Variants in KHDRBS2 observed in about 807,000 individuals in gnomAD.
The protein encoded by KHDRBS2 is KH RNA binding domain containing, signal transduction associated 2, also known as KH domain-containing, RNA-binding, signal transduction-associated protein 2.
A neutral mutation model predicts 44.3 loss-of-function variants in KHDRBS2; 26 were observed. The observed-to-expected ratio is 0.59, with a 90% CI of 0.43 to 0.81. The LOEUF is 0.81. Ranked by LOEUF, KHDRBS2 falls within the 40% of genes least tolerant of loss-of-function variation. The probability of loss-of-function intolerance (pLI) is 0.00; values close to 1 mark genes in which losing one functional copy is unlikely to be tolerated. For missense variants in KHDRBS2, 476 were observed against 433.1 expected, an observed-to-expected ratio of 1.10 and a Z score of -0.88; for synonymous variants, 194 against 151.1, an observed-to-expected ratio of 1.28 and a Z score of -2.08.
intron 2 of KHDRBS2, among the ~76,000 whole-genome samples, chr6:62,125,864 C>T (rs564482556): frequency 3.9e-5 from 6 of 152,156 alleles, no homozygotes; most frequent in Admixed American, 2.0e-4. Flanking sequence ...TCACCTTGGG[C>T]CTTGGGTGAG....
intron 2 of KHDRBS2, among the ~76,000 whole-genome samples, chr6:62,119,233 T>G (rs1260986056): frequency 6.6e-6 from 1 of 152,188 alleles, no homozygotes; most frequent in Non-Finnish European, 1.5e-5. Flanking sequence ...ATTAATGCAC[T>G]TGATATTCCT....
the KHDRBS2 span, among the ~76,000 whole-genome samples, chr6:61,579,919 T>C: frequency 6.7e-6 from 1 of 149,408 alleles, no homozygotes; most frequent in African/African-American, 2.5e-5. Context: ...TAGCCAGGTG[T>C]GGTGGCACAT....
chr6:61,576,434 T>G, the KHDRBS2 span, among the ~76,000 whole-genome samples: 1 of 152,160 alleles, frequency 6.6e-6, no homozygotes, highest in African/African-American at 2.4e-5. Context: ...GCTGAAACTT[T>G]ACTGAATTCA....
At chr6:61,740,898 C>T (rs1198208470) in intron 6 of KHDRBS2, among the ~76,000 whole-genome samples, 1 of 151,828 alleles carries the variant, frequency 6.6e-6, no homozygotes, top group Non-Finnish European at 1.5e-5. Flanking sequence ...TAGTAGTCAT[C>T]AACATATGCA....
chr6:62,130,131 T>A (rs188826608), intron 2 of KHDRBS2, among the ~76,000 whole-genome samples: 1 of 152,226 alleles, frequency 6.6e-6, no homozygotes, highest in East Asian at 1.9e-4. Flanking sequence ...TATAAAGAAA[T>A]AAAAGCAGGT....
intron 3 of KHDRBS2, among the ~76,000 whole-genome samples, chr6:62,031,458 C>G (rs750579612): frequency 2.6e-5 from 4 of 152,106 alleles, no homozygotes; most frequent in Non-Finnish European, 5.9e-5. Context: ...ATCCCCAATT[C>G]CAGGACTTGA....
chr6:61,714,633 A>T (rs1771080514), intron 7 of KHDRBS2, among the ~76,000 whole-genome samples: 1 of 151,960 alleles, frequency 6.6e-6, no homozygotes. Context: ...TATAGCAAAG[A>T]TATGTAATCA....
chr6:62,160,409 T>C (rs1405264230), intron 2 of KHDRBS2, among the ~76,000 whole-genome samples: 1 of 152,184 alleles, frequency 6.6e-6, no homozygotes, highest in South Asian at 2.1e-4. Flanking sequence ...ATTTTGTAAA[T>C]ATATGAGGGC....
At position 62,210,194 on chromosome 6, in the gene KHDRBS2, G is replaced by A. The variant is rs374968879; in HGVS notation, c.92-32882C>T. 7.2e-4 allele frequency among the ~76,000 whole-genome samples: 109 copies of A among 152,034 alleles called. 1 individual carries two copies. Among genetic ancestry groups the A allele is most frequent in the African/African-American group, 2.6e-3 (107 of 41,506 alleles). The stretch of plus-strand genomic sequence containing the variant: ...TCTCACGACCACCTATTTTTTAGGT[G>A]GAAGAATATAAAATAAAGAAGATGT... On this transcript the variant is annotated intron_variant, in intron 1 of 8. Coordinates refer to ENST00000281156, the MANE Select transcript of KHDRBS2 (RefSeq NM_152688.4).
intron 1 of KHDRBS2, among the ~76,000 whole-genome samples, chr6:62,239,529 C>G (rs1171742018): frequency 2.0e-5 from 3 of 151,866 alleles, no homozygotes; most frequent in Admixed American, 1.3e-4. Context: ...GCCAAGATCA[C>G]GCTGCTGCAC....
At chr6:61,985,597 A>C (rs1401619670) in intron 3 of KHDRBS2, among the ~76,000 whole-genome samples, 1 of 152,222 alleles carries the variant, frequency 6.6e-6, no homozygotes, top group Non-Finnish European at 1.5e-5. Flanking sequence ...CCTTGGATCA[A>C]AATGATGATC....
At chr6:61,570,426 T>C in the KHDRBS2 span, among the ~76,000 whole-genome samples, 3 of 151,880 alleles carry the variant, frequency 2.0e-5, no homozygotes, top group East Asian at 3.9e-4. Context: ...TTATGTTAAA[T>C]GGCCAAACCT....
chr6:62,149,266 C>T (rs528377407), intron 2 of KHDRBS2, among the ~76,000 whole-genome samples: 83 of 152,180 alleles, frequency 5.5e-4, no homozygotes, highest in African/African-American at 1.5e-3. Flanking sequence ...CCACAACATA[C>T]GGGCTTTTAC....
chr6:61,726,423 G>A (rs1037449934), intron 7 of KHDRBS2, among the ~76,000 whole-genome samples: 4 of 152,054 alleles, frequency 2.6e-5, no homozygotes, highest in African/African-American at 9.7e-5. Flanking sequence ...TTCTGGCCAG[G>A]GCAATCAGGC....
intron 6 of KHDRBS2, among the ~76,000 whole-genome samples, chr6:61,875,246 G>C (rs1184668289): frequency 6.6e-6 from 1 of 151,920 alleles, no homozygotes; most frequent in African/African-American, 2.4e-5. Flanking sequence ...ATTCCATGCA[G>C]AGTAAAATCA....
At chr6:61,824,038 A>G (rs931151740) in intron 6 of KHDRBS2, among the ~76,000 whole-genome samples, 1 of 152,124 alleles carries the variant, frequency 6.6e-6, no homozygotes, top group Non-Finnish European at 1.5e-5. Flanking sequence ...AAATTTTTTA[A>G]TTTTAATAAT....
At chr6:61,989,936 T>C (rs1206141432) in intron 3 of KHDRBS2, among the ~76,000 whole-genome samples, 1 of 152,150 alleles carries the variant, frequency 6.6e-6, no homozygotes, top group Non-Finnish European at 1.5e-5. Flanking sequence ...TGGGGAGGAA[T>C]TGGTGTATAA....
intron 1 of KHDRBS2, among the ~76,000 whole-genome samples, chr6:62,260,804 T>C (rs777519578): frequency 6.6e-6 from 1 of 151,950 alleles, no homozygotes; most frequent in Non-Finnish European, 1.5e-5. Context: ...TCCATTCCTG[T>C]TGTTTTTAAG....
At chr6:62,025,337 A>T (rs1489496473) in intron 3 of KHDRBS2, among the ~76,000 whole-genome samples, 1 of 151,616 alleles carries the variant, frequency 6.6e-6, no homozygotes, top group East Asian at 1.9e-4. Flanking sequence ...CTTCCTTACT[A>T]CATTCTTTTT....
Sources: gnomAD v4.1 joint callset for allele counts (sites outside exome capture counted in the v4.1 genomes callset) on GRCh38, gnomAD v4.1.1 for gene constraint, MANE v1.5 for transcripts, NCBI Gene and HGNC (gene_info 2026-07-23, HGNC 2026-07-21) for gene names.